The following NFIL3 variants were observed in gnomAD, a reference collection of about 807,000 sequenced individuals.
NFIL3 encodes the protein nuclear factor interleukin-3-regulated protein.
In NFIL3, 5 loss-of-function variants were observed where a neutral mutation model predicts 10.0. The ratio of observed to expected loss-of-function variants is 0.50; its 90% CI spans 0.26 to 1.06. The LOEUF (loss-of-function observed/expected upper bound fraction) is 1.06, where lower values mean the gene tolerates loss of function less well. Ranked by LOEUF, NFIL3 falls within the 50% of genes least tolerant of loss-of-function variation. The pLI is 0.13. For synonymous variants in NFIL3, 202 were observed against 206.5 expected (o/e 0.98, Z 0.19); for missense variants, 436 against 547.6 (o/e 0.80, Z 2.03).
chr9:91,480,855 T>C, the NFIL3 span, among the ~76,000 whole-genome samples: 1 of 152,310 alleles, frequency 6.6e-6, no homozygotes, highest in East Asian at 1.9e-4. Context: ...TATCCATACA[T>C]AATGCACCTT....
chr9:91,436,863 A>G, the NFIL3 span, among the ~76,000 whole-genome samples: 93 of 152,296 alleles, frequency 6.1e-4, no homozygotes, highest in Admixed American at 5.7e-3. Context: ...TACTGACACT[A>G]TCCCCTAAAT....
At chr9:91,482,750 A>G in the NFIL3 span, among the ~76,000 whole-genome samples, 1 of 152,072 alleles carries the variant, frequency 6.6e-6, no homozygotes, top group Admixed American at 6.6e-5. Context: ...TGATCTGCCC[A>G]TCTCAGCCTC....
chr9:91,422,568 T>C (rs1379984469), intron 1 of NFIL3, among the ~76,000 whole-genome samples: 1 of 152,214 alleles, frequency 6.6e-6, no homozygotes, highest in Non-Finnish European at 1.5e-5. Flanking sequence ...CCTCTCTCTA[T>C]GCTCACTGCC....
chr9:91,478,298 G>A, the NFIL3 span, among the ~76,000 whole-genome samples: 42 of 152,154 alleles, frequency 2.8e-4, no homozygotes, highest in Non-Finnish European at 3.8e-4. Context: ...ATCAGACACA[G>A]GTTTGGCCTT....
the NFIL3 span, among the ~76,000 whole-genome samples, chr9:91,429,264 C>T: frequency 1.3e-5 from 2 of 152,202 alleles, no homozygotes; most frequent in Non-Finnish European, 2.9e-5. Flanking sequence ...ACCCCATACT[C>T]ACCAAGGGGA....
the NFIL3 span, among the ~76,000 whole-genome samples, chr9:91,440,858 C>T: frequency 6.6e-6 from 1 of 152,076 alleles, no homozygotes; most frequent in East Asian, 1.9e-4. Flanking sequence ...CCATTTTGGT[C>T]TGAAACAATC....
the NFIL3 span, among the ~76,000 whole-genome samples, chr9:91,440,616 T>C: frequency 6.6e-6 from 1 of 152,268 alleles, no homozygotes; most frequent in East Asian, 1.9e-4. Context: ...TGGGATCTTT[T>C]TTCCTTTTTA....
chr9:91,415,534 T>C (rs1833637352), intron 1 of NFIL3, among the ~76,000 whole-genome samples: 1 of 152,218 alleles, frequency 6.6e-6, no homozygotes, highest in Admixed American at 6.5e-5. Flanking sequence ...CAGTTCTCTT[T>C]TGTGTCACTT....
chr9:91,437,420 G>A, the NFIL3 span, among the ~76,000 whole-genome samples: 9 of 152,204 alleles, frequency 5.9e-5, no homozygotes, highest in African/African-American at 2.2e-4. Context: ...AATATATTGT[G>A]GGATACATGT....
chr9:91,460,102 C>T, the NFIL3 span, among the ~76,000 whole-genome samples: 1 of 151,786 alleles, frequency 6.6e-6, no homozygotes, highest in Admixed American at 6.6e-5. Flanking sequence ...CCCAGCCACC[C>T]CCACCATCCA....
chr9:91,427,389 C>G (rs1587971678), upstream of NFIL3, among the ~76,000 whole-genome samples: 1 of 152,126 alleles, frequency 6.6e-6, no homozygotes, highest in African/African-American at 2.4e-5. Context: ...GCAGCTCTAC[C>G]CTATCTGTTT....
chr9:91,439,585 A>G, the NFIL3 span, among the ~76,000 whole-genome samples: 764 of 152,180 alleles, frequency 5.0e-3, 6 homozygotes, highest in African/African-American at 0.017. Flanking sequence ...CTTGCCTTGT[A>G]CTGGACCTTG....
chr9:91,476,401 C>T, the NFIL3 span, among the ~76,000 whole-genome samples: 2 of 152,008 alleles, frequency 1.3e-5, no homozygotes, highest in African/African-American at 2.4e-5. Flanking sequence ...GGCAAAACCC[C>T]GTCTCTACAA....
chr9:91,462,475 C>T, the NFIL3 span, among the ~76,000 whole-genome samples: 2 of 151,806 alleles, frequency 1.3e-5, no homozygotes, highest in African/African-American at 2.4e-5. Context: ...TTTGTTAGAC[C>T]GTTGATATGA....
intron 1 of NFIL3, among the ~76,000 whole-genome samples, chr9:91,421,543 C>CA (rs1220830417): frequency 6.6e-6 from 1 of 152,190 alleles, no homozygotes; most frequent in African/African-American, 2.4e-5. Context: ...CCCCGCCCGC[C>CA]ACTACCAGAC....
intron 1 of NFIL3, among the ~76,000 whole-genome samples, chr9:91,415,904 G>C (rs12685507): frequency 0.057 from 8,649 of 152,288 alleles, 311 homozygotes; most frequent in Middle Eastern, 0.14. Context: ...TGGGATTACA[G>C]GCGTGAGCCG....
the NFIL3 span, among the ~76,000 whole-genome samples, chr9:91,430,846 A>G: frequency 6.6e-6 from 1 of 152,060 alleles, no homozygotes; most frequent in Non-Finnish European, 1.5e-5. Flanking sequence ...GGATCTCACT[A>G]TGTTGCTCAG....
chr9:91,434,872 G>A, the NFIL3 span, among the ~76,000 whole-genome samples: 5 of 152,182 alleles, frequency 3.3e-5, no homozygotes, highest in African/African-American at 1.2e-4. Context: ...AAGAATAGGT[G>A]GCAGTTTAGA....
chr9:91,452,078 C>T, the NFIL3 span, among the ~76,000 whole-genome samples: 2 of 152,194 alleles, frequency 1.3e-5, no homozygotes, highest in Non-Finnish European at 2.9e-5. Flanking sequence ...CTAGTTTAGG[C>T]TGTGATGGGA....
Sources: allele counts gnomAD v4.1 joint callset (sites outside exome capture counted in the v4.1 genomes callset), GRCh38; gene constraint gnomAD v4.1.1; transcripts MANE v1.5; gene names NCBI Gene and HGNC (gene_info 2026-07-23, HGNC 2026-07-21).